Variants in CCDC9 observed in about 807,000 individuals in gnomAD.
CCDC9 encodes coiled-coil domain containing 9, also known as coiled-coil domain-containing protein 9.
In CCDC9, 52 loss-of-function variants were observed where a neutral mutation model predicts 65.6. That is an observed-to-expected ratio of 0.79 (90% CI 0.63 to 1.00). The LOEUF (loss-of-function observed/expected upper bound fraction) is 1.00. Ranked by LOEUF, CCDC9 falls within the 50% of genes least tolerant of loss-of-function variation. The probability of loss-of-function intolerance (pLI) is 0.00; values close to 1 mark genes in which losing one functional copy is unlikely to be tolerated. For missense variants in CCDC9, 834 were observed against 757.2 expected (o/e 1.10, Z -1.19); for synonymous variants, 332 against 280.3 (o/e 1.18, Z -1.84).
rs777924596 is a variant in CCDC9 at position 47,266,648 on chromosome 19, C to T, written c.758C>T (p.Thr253Met). 1.6e-5 allele frequency: 26 copies of T among 1,587,598 alleles called. No individual in the cohort carries two copies. Among genetic ancestry groups the T allele is most frequent in the African/African-American group, 4.0e-5 (3 of 74,530 alleles). The change falls in exon 8 of 12, where the codon ACG becomes ATG. Residue 253 changes from threonine (T) to methionine (M), a missense_variant. Transcript: ENST00000221922. ...RAGLGSAGDM[T>M]LSMTGRERSE... ...GGCCTGGGCAGTGCTGGAGACATGA[C>T]GTTGTCCATGACGGGCCGGGAGCGG...
In CCDC9 at chr19:47,270,265, G is replaced by T. The variant is rs116465329; in HGVS notation, c.903-142G>T. 4,408 of 771,002 alleles carry T rather than the reference G, an allele frequency of 5.7e-3. 169 individuals carry two copies. The African/African-American group carries it at 0.066, about 12-fold the overall frequency. 47.8% of individuals were successfully genotyped at this position (771,002 alleles called of 1,614,324 possible). On this transcript the variant is annotated intron_variant, in intron 8 of 11. Transcript: ENST00000221922. ...ATTACAGGCTTGAGCCACCATGCCCGGCCCTGTCCTACTTCTAGTGTCCCC... is the reference window on the plus strand; with the variant it reads ...ATTACAGGCTTGAGCCACCATGCCCTGCCCTGTCCTACTTCTAGTGTCCCC...
At chr19:47,257,306 G>A (rs1012272509) in intron 1 of CCDC9, among the ~76,000 whole-genome samples, 3 of 151,450 alleles carry the variant, frequency 2.0e-5, no homozygotes, top group Non-Finnish European at 4.4e-5. Context: ...GGGCGGGGCT[G>A]GAATAATAAT....
intron 1 of CCDC9, chr19:47,257,913 G>C: frequency 5.7e-6 from 1 of 175,490 alleles, no homozygotes; most frequent in Non-Finnish European, 1.2e-5. Flanking sequence ...CAGGGAGGTG[G>C]GTCTGGAACT....
chr19:47,258,493 TG>T (rs1568635277), intron 2 of CCDC9, 65 bp from the exon 3 acceptor site: 1 of 1,604,902 alleles, frequency 6.2e-7, no homozygotes, highest in Non-Finnish European at 8.5e-7. Flanking sequence ...TCTCAGACCC[TG>T]GGGGAAAGTC....
At chr19:47,275,349 C>G (rs1475471281), downstream of CCDC9, 1 of 1,538,486 alleles carries the variant, frequency 6.5e-7, no homozygotes, top group Non-Finnish European at 8.8e-7. Context: ...ACCCGGGTAA[C>G]TCTCCCTTCC....
chr19:47,258,219 C>T (rs573442739), intron 1 of CCDC9, 111 bp from the exon 2 acceptor site: 2 of 637,780 alleles, frequency 3.1e-6, no homozygotes, highest in East Asian at 5.3e-5. Context: ...CTACAATTCT[C>T]TTGGGGTACA....
At chr19:47,269,353 CT>C (rs1056286626) in intron 8 of CCDC9, among the ~76,000 whole-genome samples, 45 of 145,978 alleles carry the variant, frequency 3.1e-4, no homozygotes, top group Non-Finnish European at 3.6e-4. Flanking sequence ...ATAATATTAT[CT>C]TTTTTTTTTT....
intron 9 of CCDC9, 24 bp from the exon 10 acceptor site, chr19:47,270,529 A>G (rs888838): frequency 0.45 from 726,749 of 1,613,742 alleles, 168,528 homozygotes; most frequent in East Asian, 0.66. Flanking sequence ...TTCCCTTCCC[A>G]ATGACACCTG....
chr19:47,265,692 T>G (rs1291290279), intron 7 of CCDC9, among the ~76,000 whole-genome samples: 3 of 148,642 alleles, frequency 2.0e-5, no homozygotes, highest in Non-Finnish European at 4.5e-5. Flanking sequence ...GATAAGAGGT[T>G]TTTTTTTTTT....
intron 8 of CCDC9, among the ~76,000 whole-genome samples, 200 bp from the exon 9 acceptor site, chr19:47,270,207 G>A (rs556196699): frequency 1.3e-5 from 2 of 152,014 alleles, no homozygotes; most frequent in South Asian, 2.1e-4. Flanking sequence ...GGGCTCAAGC[G>A]ATCTGTCTGC....
chr19:47,271,862 T>G lies in CCDC9; in HGVS notation c.*184T>G. The stretch of plus-strand genomic sequence containing the variant: ...GGGGGTAGCGCAGCCCATGCTCTTC[T>G]GTACTGTCATGCCCGTCTCTGGAAT... On this transcript the variant is annotated 3_prime_UTR_variant, in exon 12 of 12. Transcript: ENST00000221922. The G allele has an allele frequency of 1.5e-6, 2 of 1,377,758 alleles. No homozygotes were observed. The highest frequency in any genetic ancestry group is 1.9e-6 in the Non-Finnish European group (2 of 1,069,034). The allele number at this position is 1,377,758 out of a possible 1,614,324, so 85.3% of individuals were successfully genotyped here.
intron 8 of CCDC9, among the ~76,000 whole-genome samples, chr19:47,269,559 G>A (rs1001628285): frequency 5.3e-5 from 8 of 151,912 alleles, no homozygotes; most frequent in Non-Finnish European, 1.2e-4. Context: ...CCCTGGTCTC[G>A]AACTCCTGGC....
chr19:47,272,934 G>A (rs1390481836), downstream of CCDC9, among the ~76,000 whole-genome samples: 2 of 151,892 alleles, frequency 1.3e-5, no homozygotes. Context: ...TGGGGGCAGA[G>A]CCAAGGAAGG....
chr19:47,272,651 G>A (rs1301632914), downstream of CCDC9, among the ~76,000 whole-genome samples: 7 of 152,158 alleles, frequency 4.6e-5, no homozygotes, highest in Admixed American at 2.6e-4. Context: ...GGTGTACTAG[G>A]GCAGGAGCTA....
At chr19:47,266,446 T>C in intron 7 of CCDC9, 165 bp from the exon 8 acceptor site, 1 of 1,050,458 alleles carries the variant, frequency 9.5e-7, no homozygotes, top group Non-Finnish European at 1.3e-6. Flanking sequence ...ACTTAGGAGA[T>C]CTGAGAGGGC....
chr19:47,270,374 C>G, intron 8 of CCDC9, 33 bp from the exon 9 acceptor site: 1 of 1,611,760 alleles, frequency 6.2e-7, no homozygotes, highest in Non-Finnish European at 8.5e-7. Context: ...CCTGTTCCCC[C>G]AGCTGCCCGC....
At position 47,264,879 on chromosome 19, in the gene CCDC9, G is replaced by T. The variant is rs926608422; in HGVS notation, c.653G>T (p.Arg218Leu). Reference sequence around the variant, plus strand: ...CGGGACCGCCGGGAGGAGAGCCGCCGGCACGGCCGCAACTGGGGGGGCCCC... The same window carrying T: ...CGGGACCGCCGGGAGGAGAGCCGCCTGCACGGCCGCAACTGGGGGGGCCCC... ...SERDRREESR[R>L]HGRNWGGPDF... is the part of the protein sequence containing the mutation. Residue 218 changes from arginine to leucine, a missense_variant, in exon 7 of 12, where the codon CGG becomes CTG. Physicochemically the swap from Arg to Leu is moderately radical, Grantham distance 102. Coordinates refer to ENST00000221922, the MANE Select transcript of CCDC9 (RefSeq NM_015603.3). 1.4e-6 allele frequency: 2 copies of T among 1,480,202 alleles called. No homozygotes were observed. The highest frequency in any genetic ancestry group is 1.8e-6 in the Non-Finnish European group (2 of 1,117,720). 91.7% of individuals were successfully genotyped at this position (1,480,202 alleles called of 1,614,324 possible).
chr19:47,265,307 G>A lies in CCDC9; in HGVS notation c.720+361G>A, dbSNP rs543093297. Among the ~76,000 whole-genome samples the A allele has an allele frequency of 8.5e-5, 13 of 152,130 alleles. No individual in the cohort carries two copies. The East Asian group carries it at 1.4e-3, about 16-fold the overall frequency. ...TGACCTCAAGTGATCCACCTGCCTC[G>A]GCCTCCCAAAATGCTGGGATTATAG... On this transcript the variant is annotated intron_variant, in intron 7 of 11. Transcript: ENST00000221922.
At chr19:47,273,686 C>T (rs1277784234), downstream of CCDC9, 2 of 385,074 alleles carry the variant, frequency 5.2e-6, no homozygotes, top group South Asian at 1.4e-4. Context: ...GTTAGTCTCC[C>T]ATGGAGGCCC....
Sources: gnomAD v4.1 joint callset for allele counts (sites outside exome capture counted in the v4.1 genomes callset) on GRCh38, gnomAD v4.1.1 for gene constraint, MANE v1.5 for transcripts, NCBI Gene and HGNC (gene_info 2026-07-23, HGNC 2026-07-21) for gene names.